DAB1: variants seen among roughly 807,000 people sequenced by gnomAD.
The protein encoded by DAB1 is DAB adaptor protein 1.
Under a neutral mutation model 64.6 loss-of-function variants are expected in DAB1, and 15 were observed. That is an observed-to-expected ratio of 0.23 (90% CI 0.16 to 0.36). DAB1 has a LOEUF of 0.36. Among genes scored for constraint, DAB1 ranks in the 10% least tolerant of loss-of-function variants. The pLI is 1.00. For synonymous variants in DAB1, 235 were observed against 251.9 expected (o/e 0.93, Z 0.64); for missense variants, 596 against 706.7 (o/e 0.84, Z 1.78).
At chr1:56,999,698 G>C (rs141867952) in intron 14 of DAB1, among the ~76,000 whole-genome samples, 1 of 152,174 alleles carries the variant, frequency 6.6e-6, no homozygotes, top group African/African-American at 2.4e-5. Flanking sequence ...CTGAAGTCCT[G>C]TGAAGACAGC....
intron 7 of DAB1, among the ~76,000 whole-genome samples, chr1:57,465,798 A>G (rs890268604): frequency 6.6e-6 from 1 of 152,194 alleles, no homozygotes; most frequent in Non-Finnish European, 1.5e-5. Context: ...TCTGTTATCT[A>G]GGATTCCCTA....
chr1:58,236,409 C>A (rs114859648), intron 4 of DAB1, among the ~76,000 whole-genome samples: 5 of 152,060 alleles, frequency 3.3e-5, no homozygotes, highest in Admixed American at 2.0e-4. Context: ...GAGTGTCGAT[C>A]GGAAAGACGC....
rs1209457808 is a variant in DAB1, at chr1:57,088,238, T to C, written c.307-15824A>G. Among the ~76,000 whole-genome samples the C allele has an allele frequency of 3.9e-5, 6 of 152,224 alleles. No individual in the cohort carries two copies. In the East Asian group the frequency reaches 1.2e-3, roughly 29 times the overall value. ...GGCATGCACCACCACACCTGGCTAA[T>C]TTTTGTATCTTTAGTAGAGACGGGG... is the stretch of plus-strand genomic sequence containing the variant. On this transcript the variant is annotated intron_variant, in intron 4 of 14. Coordinates refer to ENST00000371236, the MANE Select transcript of DAB1 (RefSeq NM_001365792.1).
intron 5 of DAB1, among the ~76,000 whole-genome samples, chr1:57,987,394 A>T (rs953574088): frequency 5.9e-5 from 9 of 152,162 alleles, no homozygotes; most frequent in Non-Finnish European, 1.3e-4. Flanking sequence ...CCACGATGTT[A>T]TGAAGGTAGT....
intron 6 of DAB1, among the ~76,000 whole-genome samples, chr1:57,802,611 A>G (rs188197552): frequency 6.6e-6 from 1 of 152,294 alleles, no homozygotes; most frequent in African/African-American, 2.4e-5. Flanking sequence ...TGATTGGATT[A>G]TGGGGTCAGA....
downstream of DAB1, among the ~76,000 whole-genome samples, chr1:57,825,278 T>C (rs1342002481): frequency 2.0e-5 from 3 of 152,202 alleles, no homozygotes; most frequent in East Asian, 5.8e-4. Flanking sequence ...ATCATCCAGC[T>C]TGAAACAGCA....
At position 56,996,274 on chromosome 1, in the gene DAB1, T is replaced by C. The variant is rs1645611796; in HGVS notation, c.*1870A>G. 1 of 152,180 alleles carries C rather than the reference T, an allele frequency of 6.6e-6. No individual in the cohort carries two copies. 9.4% of individuals were successfully genotyped at this position (152,180 alleles called of 1,614,324 possible). Reference sequence around the variant, plus strand: ...CTTTTCAAATCTAAAAACCAAATAATAATAATTATCCTCAAATCCAATTAA... The same window carrying C: ...CTTTTCAAATCTAAAAACCAAATAACAATAATTATCCTCAAATCCAATTAA... On this transcript the variant is annotated 3_prime_UTR_variant, in exon 15 of 15. Coordinates refer to ENST00000371236, the MANE Select transcript of DAB1 (RefSeq NM_001365792.1).
At chr1:57,310,419 C>G (rs1674593680) in intron 1 of DAB1, among the ~76,000 whole-genome samples, 1 of 151,998 alleles carries the variant, frequency 6.6e-6, no homozygotes, top group Non-Finnish European at 1.5e-5. Flanking sequence ...GTATGGGACA[C>G]AGAGGAGAGG....
intron 1 of DAB1, among the ~76,000 whole-genome samples, chr1:57,354,851 G>A (rs1465980725): frequency 1.3e-5 from 2 of 152,086 alleles, no homozygotes; most frequent in Non-Finnish European, 2.9e-5. Context: ...AGGACTGCAA[G>A]CTGTGATTAA....
chr1:58,256,043 T>G (rs924467131), intron 4 of DAB1, among the ~76,000 whole-genome samples: 1 of 152,174 alleles, frequency 6.6e-6, no homozygotes, highest in African/African-American at 2.4e-5. Context: ...CCTGTGGCCA[T>G]GGAGTTCAGC....
At chr1:57,654,563 T>A (rs528620692) in intron 6 of DAB1, among the ~76,000 whole-genome samples, 1 of 152,248 alleles carries the variant, frequency 6.6e-6, no homozygotes, top group African/African-American at 2.4e-5. Flanking sequence ...GGTATATATG[T>A]TGAAAATATT....
intron 1 of DAB1, among the ~76,000 whole-genome samples, chr1:57,335,799 A>G (rs982255176): frequency 4.6e-5 from 7 of 152,244 alleles, no homozygotes; most frequent in Non-Finnish European, 8.8e-5. Context: ...CTTTTAGTCA[A>G]TCTGGCCCAG....
chr1:57,550,813 G>A (rs1644905648), intron 7 of DAB1, among the ~76,000 whole-genome samples: 1 of 152,098 alleles, frequency 6.6e-6, no homozygotes, highest in Admixed American at 6.5e-5. Context: ...TTAGTATCTT[G>A]TCTGAGTCAT....
At chr1:57,020,438 G>C (rs1646577307) in intron 11 of DAB1, among the ~76,000 whole-genome samples, 1 of 152,204 alleles carries the variant, frequency 6.6e-6, no homozygotes, top group Non-Finnish European at 1.5e-5. Flanking sequence ...AACGGGGTAA[G>C]TTCCCTGAGG....
At chr1:57,068,663 G>A (rs925574580) in intron 8 of DAB1, among the ~76,000 whole-genome samples, 4 of 152,142 alleles carry the variant, frequency 2.6e-5, no homozygotes, top group Non-Finnish European at 4.4e-5. Context: ...CTGCTATACG[G>A]CAGTTACACA....
At chr1:58,343,279 GGATGGATA>G (rs138863113) in intron 4 of DAB1, 14,911 of 151,520 alleles carry the variant, frequency 0.098, 773 homozygotes, top group Non-Finnish European at 0.12. Context: ...ATGGATGGAT[GGATGGATA>G]GATGGATGGA....
intron 4 of DAB1, among the ~76,000 whole-genome samples, chr1:58,295,351 T>C (rs746306559): frequency 4.6e-5 from 7 of 152,162 alleles, no homozygotes; most frequent in Non-Finnish European, 8.8e-5. Context: ...ATAATTGATT[T>C]CAGTCACGAG....
At chr1:57,497,908 G>A (rs979520821) in intron 7 of DAB1, among the ~76,000 whole-genome samples, 1 of 152,178 alleles carries the variant, frequency 6.6e-6, no homozygotes, top group Middle Eastern at 3.2e-3. Flanking sequence ...GGTTGTCATA[G>A]GGAGAATGAA....
intron 9 of DAB1, among the ~76,000 whole-genome samples, chr1:57,047,417 G>A (rs1648648995): frequency 6.6e-6 from 1 of 152,136 alleles, no homozygotes; most frequent in African/African-American, 2.4e-5. Flanking sequence ...ATTAGGGCTA[G>A]ATTAGGTAAA....
Sources: gnomAD v4.1 joint callset for allele counts (sites outside exome capture counted in the v4.1 genomes callset) on GRCh38, gnomAD v4.1.1 for gene constraint, MANE v1.5 for transcripts, NCBI Gene and HGNC (gene_info 2026-07-23, HGNC 2026-07-21) for gene names.